Variants in CSMD1 observed in about 807,000 individuals in gnomAD.
The protein encoded by CSMD1 is CUB and sushi domain-containing protein 1.
Under a neutral mutation model 417.5 loss-of-function variants are expected in CSMD1, and 213 were observed. The observed-to-expected ratio is 0.51, with a 90% confidence interval of 0.46 to 0.57. The LOEUF (loss-of-function observed/expected upper bound fraction) is 0.57. CSMD1 is among the 20% of genes least tolerant of loss of function. The probability of loss-of-function intolerance (pLI) is 0.00; values close to 1 mark genes in which losing one functional copy is unlikely to be tolerated. For synonymous variants in CSMD1, 2,862 were observed against 1,736.8 expected, an observed-to-expected ratio of 1.65 and a Z score of -16.11; for missense variants, 6,923 against 4,529.7, an observed-to-expected ratio of 1.53 and a Z score of -15.17.
At chr8:3,823,109 A>G (rs1375985934) in intron 5 of CSMD1, among the ~76,000 whole-genome samples, 1 of 152,218 alleles carries the variant, frequency 6.6e-6, no homozygotes, top group African/African-American at 2.4e-5. Flanking sequence ...TGGCCCTTTC[A>G]TACAAATGAT....
chr8:3,808,387 C>A (rs1305923457), intron 5 of CSMD1, among the ~76,000 whole-genome samples: 1 of 152,114 alleles, frequency 6.6e-6, no homozygotes, highest in Non-Finnish European at 1.5e-5. Context: ...GTGATAATGA[C>A]AACCGTGGTA....
At chr8:4,356,795 C>A (rs1801457234) in intron 3 of CSMD1, among the ~76,000 whole-genome samples, 1 of 152,192 alleles carries the variant, frequency 6.6e-6, no homozygotes, top group South Asian at 2.1e-4. Flanking sequence ...GTCTTGCAGG[C>A]CCAGCCCCTG....
Position 3,091,507 on chromosome 8 carries a change from T to C in CSMD1, c.7285+9A>G, listed in dbSNP as rs368486495. ...ACTTTCATATAAAATCTAAACCTCA[T>C]TTACTTACCTGCATAGCGAATCTTG... is the stretch of plus-strand genomic sequence containing the variant. On this transcript the variant is annotated intron_variant, in intron 48 of 69. Coordinates refer to ENST00000635120, the MANE Select transcript of CSMD1 (RefSeq NM_033225.6). The C allele has an allele frequency of 1.4e-5, 22 of 1,588,230 alleles. 1 individual carries two copies. The African/African-American group carries it at 2.3e-4, about 17-fold the overall frequency.
intron 11 of CSMD1, among the ~76,000 whole-genome samples, chr8:3,487,003 G>C (rs573688166): frequency 8.4e-4 from 128 of 152,210 alleles, no homozygotes; most frequent in African/African-American, 3.0e-3. Context: ...CTGGGGAGTT[G>C]ATCCTGAACC....
chr8:3,306,578 G>A (rs550891776), intron 25 of CSMD1, among the ~76,000 whole-genome samples: 7 of 152,026 alleles, frequency 4.6e-5, no homozygotes, highest in East Asian at 3.9e-4. Flanking sequence ...GAGTGTAGAC[G>A]CCTGGGACAT....
chr8:4,899,570 G>C (rs1471982930), intron 1 of CSMD1, among the ~76,000 whole-genome samples: 9 of 152,110 alleles, frequency 5.9e-5, no homozygotes, highest in Admixed American at 3.9e-4. Flanking sequence ...TGGTGATCTG[G>C]ACACTGAAAG....
Position 4,985,311 on chromosome 8 carries a change from G to A in CSMD1, c.85+9021C>T, listed in dbSNP as rs566276334. On this transcript the variant is annotated intron_variant, in intron 1 of 69. Coordinates refer to ENST00000635120, the MANE Select transcript of CSMD1 (RefSeq NM_033225.6). ...TATAATCGGTACAACAACCCCCCAT[G>A]ACACACATTTACCTATGTAACAAAA... Among the ~76,000 whole-genome samples the A allele has an allele frequency of 2.0e-5, 3 of 152,130 alleles. No homozygotes were observed. The South Asian group carries it at 6.2e-4, about 32-fold the overall frequency.
intron 5 of CSMD1, among the ~76,000 whole-genome samples, chr8:3,846,861 G>C (rs540159303): frequency 1.3e-5 from 2 of 152,102 alleles, no homozygotes; most frequent in Admixed American, 6.5e-5. Context: ...ATTTAGTGCA[G>C]ACAGGGTTTC....
At chr8:3,618,272 T>G (rs1253142281) in intron 7 of CSMD1, among the ~76,000 whole-genome samples, 1 of 152,122 alleles carries the variant, frequency 6.6e-6, no homozygotes, top group East Asian at 1.9e-4. Context: ...CCTAAAGTGT[T>G]GGGGTTACAG....
chr8:3,169,416 C>A (rs894096839), intron 37 of CSMD1, among the ~76,000 whole-genome samples: 10 of 149,094 alleles, frequency 6.7e-5, no homozygotes, highest in East Asian at 2.0e-4. Context: ...AAGCCAGTAT[C>A]AAAAAAAAGA....
chr8:4,391,292 C>T (rs761167702), intron 3 of CSMD1, among the ~76,000 whole-genome samples: 1 of 152,228 alleles, frequency 6.6e-6, no homozygotes, highest in Non-Finnish European at 1.5e-5. Context: ...ATTAACTCTA[C>T]CCTTTCTTCT....
intron 2 of CSMD1, among the ~76,000 whole-genome samples, chr8:4,464,880 A>G (rs1997139): frequency 0.25 from 37,548 of 151,984 alleles, 4,960 homozygotes; most frequent in Middle Eastern, 0.37. Flanking sequence ...TTAGTTTTTT[A>G]TTAGTTTTTA....
At position 4,912,135 on chromosome 8, in the gene CSMD1, A is replaced by AAAAAAAAAGAAAAG. The variant is rs765904838; in HGVS notation, c.85+82196_85+82197insCTTTTCTTTTTTTT. Among the ~76,000 whole-genome samples, 129 of 115,658 alleles carry AAAAAAAAAGAAAAG rather than the reference A, an allele frequency of 1.1e-3. 2 individuals carry two copies. Among genetic ancestry groups the AAAAAAAAAGAAAAG allele is most frequent in the Non-Finnish European group, 2.0e-3 (107 of 52,514 alleles). 75.9% of individuals were successfully genotyped at this position (115,658 alleles called of 152,430 possible). ...TCAACATAGCTTCAAAAAAAAAAAA[A>AAAAAAAAAGAAAAG]AAAAAAGAAAGAAAGAAAAGAAAAG... On this transcript the variant is annotated intron_variant, in intron 1 of 69. Transcript: ENST00000635120.
chr8:4,685,003 G>T (rs1161892990), intron 1 of CSMD1, among the ~76,000 whole-genome samples: 1 of 152,196 alleles, frequency 6.6e-6, no homozygotes, highest in African/African-American at 2.4e-5. Context: ...CACTAACATA[G>T]AACAACGGGA....
At chr8:3,915,040 C>G (rs552070476) in intron 5 of CSMD1, among the ~76,000 whole-genome samples, 1 of 152,204 alleles carries the variant, frequency 6.6e-6, no homozygotes, top group African/African-American at 2.4e-5. Flanking sequence ...CAAACACATC[C>G]AGGGATACAG....
chr8:3,498,618 C>G (rs1278572823), intron 10 of CSMD1, among the ~76,000 whole-genome samples: 1 of 152,192 alleles, frequency 6.6e-6, no homozygotes, highest in Non-Finnish European at 1.5e-5. Context: ...TCTTCTCCTT[C>G]TAGAACTCCC....
At chr8:4,354,340 G>A (rs750316753) in intron 3 of CSMD1, among the ~76,000 whole-genome samples, 1 of 152,080 alleles carries the variant, frequency 6.6e-6, no homozygotes, top group Non-Finnish European at 1.5e-5. Flanking sequence ...TCTCTTTTGA[G>A]GTTGGGAAAC....
At chr8:3,826,677 C>T (rs10088247) in intron 5 of CSMD1, among the ~76,000 whole-genome samples, 115,319 of 152,162 alleles carry the variant, frequency 0.76, 43,985 homozygotes, top group African/African-American at 0.84. Context: ...TTTTGAGGAA[C>T]CAACTCTGAC....
chr8:3,749,256 A>G (rs1458716202), intron 6 of CSMD1, among the ~76,000 whole-genome samples: 1 of 152,230 alleles, frequency 6.6e-6, no homozygotes, highest in Non-Finnish European at 1.5e-5. Flanking sequence ...TGTGTCCTGC[A>G]TAAATCTTAC....
Sources: gnomAD v4.1 joint callset for allele counts (sites outside exome capture counted in the v4.1 genomes callset) on GRCh38, gnomAD v4.1.1 for gene constraint, MANE v1.5 for transcripts, NCBI Gene and HGNC (gene_info 2026-07-23, HGNC 2026-07-21) for gene names.